Variants in DPYD observed in about 807,000 individuals in gnomAD.
DPYD encodes the protein dihydropyrimidine dehydrogenase, also known as dihydropyrimidine dehydrogenase [NADP(+)].
In DPYD, 109 loss-of-function variants were observed where a neutral mutation model predicts 116.2. The ratio of observed to expected loss-of-function variants is 0.94; its 90% CI spans 0.80 to 1.10. The LOEUF (loss-of-function observed/expected upper bound fraction) is 1.10, where lower values mean the gene tolerates loss of function less well. Among genes scored for constraint, DPYD ranks in the 50% least tolerant of loss-of-function variants. DPYD has a pLI of 0.00. For missense variants in DPYD, 1,302 were observed against 1,254.5 expected (o/e 1.04, Z -0.57); for synonymous variants, 440 against 432.0 (o/e 1.02, Z -0.23).
intron 20 of DPYD, among the ~76,000 whole-genome samples, chr1:97,150,299 T>C (rs1298218071): frequency 6.6e-6 from 1 of 152,086 alleles, no homozygotes; most frequent in African/African-American, 2.4e-5. Flanking sequence ...TTTCTGTCCA[T>C]GATTAGCTTG....
intron 4 of DPYD, among the ~76,000 whole-genome samples, chr1:97,739,102 T>C (rs1664121434): frequency 6.6e-6 from 1 of 152,096 alleles, no homozygotes; most frequent in Non-Finnish European, 1.5e-5. Context: ...GAAAATACTT[T>C]AGACTTCAAT....
chr1:97,403,315 G>T (rs555718723), intron 14 of DPYD, among the ~76,000 whole-genome samples: 1 of 152,132 alleles, frequency 6.6e-6, no homozygotes, highest in Non-Finnish European at 1.5e-5. Context: ...TGTTGCTTTT[G>T]CATCATCTTG....
chr1:97,512,642 G>A (rs568148484), intron 13 of DPYD, among the ~76,000 whole-genome samples: 6 of 151,904 alleles, frequency 3.9e-5, no homozygotes, highest in East Asian at 3.9e-4. Context: ...AGGTCAAGGG[G>A]TTATTTTATG....
intron 12 of DPYD, among the ~76,000 whole-genome samples, chr1:97,519,204 G>C (rs1648462123): frequency 6.6e-6 from 1 of 152,154 alleles, no homozygotes; most frequent in African/African-American, 2.4e-5. Context: ...ACAAAGGAAA[G>C]AGGTTTAACT....
chr1:97,188,870 G>C (rs1438440750), intron 20 of DPYD, among the ~76,000 whole-genome samples: 3 of 152,140 alleles, frequency 2.0e-5, no homozygotes, highest in African/African-American at 7.2e-5. Context: ...TTGCTCACCT[G>C]TCTATCTCAC....
chr1:97,606,084 TAGTCTATCATA>T (rs1655577371), intron 8 of DPYD, among the ~76,000 whole-genome samples: 2 of 152,080 alleles, frequency 1.3e-5, no homozygotes, highest in Non-Finnish European at 2.9e-5. Context: ...TATTTTAAAA[TAGTCTATCATA>T]TTCAACTTTT....
At chr1:97,391,344 T>C (rs959998406) in intron 14 of DPYD, among the ~76,000 whole-genome samples, 4 of 152,030 alleles carry the variant, frequency 2.6e-5, no homozygotes, top group African/African-American at 9.7e-5. Flanking sequence ...AATTTGCTTA[T>C]TTATCCACAC....
intron 18 of DPYD, among the ~76,000 whole-genome samples, chr1:97,289,063 A>C (rs184289835): frequency 3.5e-3 from 537 of 152,340 alleles, no homozygotes; most frequent in Middle Eastern, 0.01. Flanking sequence ...AAACACCTTT[A>C]CACAAATAAA....
chr1:97,834,907 A>G (rs1669695349), intron 2 of DPYD, among the ~76,000 whole-genome samples: 1 of 152,028 alleles, frequency 6.6e-6, no homozygotes, highest in Non-Finnish European at 1.5e-5. Flanking sequence ...CTATATTCAT[A>G]TTTTTTTAAT....
intron 20 of DPYD, among the ~76,000 whole-genome samples, chr1:97,191,267 C>T (rs181340226): frequency 2.2e-4 from 34 of 152,050 alleles, no homozygotes; most frequent in African/African-American, 7.2e-4. Flanking sequence ...TACCCTAGAT[C>T]CAGAGTACTT....
chr1:97,296,464 GAAT>G (rs1246040973), intron 18 of DPYD, among the ~76,000 whole-genome samples: 5 of 151,954 alleles, frequency 3.3e-5, no homozygotes, highest in Non-Finnish European at 7.4e-5. Context: ...CTCTATTTAA[GAAT>G]AATATGTCTC....
At chr1:97,109,409 C>T (rs1651427910) in intron 20 of DPYD, among the ~76,000 whole-genome samples, 1 of 152,036 alleles carries the variant, frequency 6.6e-6, no homozygotes, top group Admixed American at 6.6e-5. Flanking sequence ...AATGCTACTG[C>T]TTTCATGGCT....
intron 19 of DPYD, among the ~76,000 whole-genome samples, chr1:97,209,802 G>A (rs1659916427): frequency 6.6e-6 from 1 of 152,142 alleles, no homozygotes; most frequent in Non-Finnish European, 1.5e-5. Flanking sequence ...GTGGGATTAA[G>A]CCAGCTATCT....
chr1:97,524,806 C>T (rs946307123), intron 12 of DPYD, among the ~76,000 whole-genome samples: 2 of 152,138 alleles, frequency 1.3e-5, no homozygotes, highest in African/African-American at 2.4e-5. Context: ...CTAACTCAGA[C>T]CTCTCCTCTG....
chr1:97,796,075 C>T (rs1401698238), intron 3 of DPYD, among the ~76,000 whole-genome samples: 1 of 152,000 alleles, frequency 6.6e-6, no homozygotes, highest in Non-Finnish European at 1.5e-5. Context: ...CATACCAATT[C>T]TGTTAGGTGA....
At chr1:97,170,541 C>G (rs1263764333) in intron 20 of DPYD, among the ~76,000 whole-genome samples, 2 of 152,120 alleles carry the variant, frequency 1.3e-5, no homozygotes, top group African/African-American at 4.8e-5. Context: ...AAGGGAAGGC[C>G]CAAAGCTGGG....
intron 19 of DPYD, among the ~76,000 whole-genome samples, chr1:97,207,583 T>G (rs1659727427): frequency 6.6e-6 from 1 of 152,132 alleles, no homozygotes; most frequent in Non-Finnish European, 1.5e-5. Flanking sequence ...TGAAGGAATG[T>G]ATAATTAAGA....
chr1:97,145,743 G>GTTT (rs370793517), intron 20 of DPYD, among the ~76,000 whole-genome samples: 1 of 129,328 alleles, frequency 7.7e-6, no homozygotes, highest in Non-Finnish European at 1.6e-5. Context: ...AATTGTGTGG[G>GTTT]TTTTTTTTTT....
intron 16 of DPYD, among the ~76,000 whole-genome samples, chr1:97,356,633 C>T (rs556864248): frequency 1.3e-5 from 2 of 152,168 alleles, no homozygotes; most frequent in African/African-American, 2.4e-5. Context: ...ATATTTTCTT[C>T]TAGTAGTTTT....
Sources: allele counts gnomAD v4.1 joint callset (sites outside exome capture counted in the v4.1 genomes callset), GRCh38; gene constraint gnomAD v4.1.1; transcripts MANE v1.5; gene names NCBI Gene and HGNC (gene_info 2026-07-23, HGNC 2026-07-21).